Variants in NECAB1 observed in about 807,000 individuals in gnomAD.
NECAB1 encodes N-terminal EF-hand calcium binding protein 1.
NECAB1 carries 29 observed loss-of-function variants against 57.5 expected under a neutral mutation model. That is an observed-to-expected ratio of 0.50 (90% CI 0.38 to 0.69). The LOEUF (loss-of-function observed/expected upper bound fraction) is 0.69, where lower values mean the gene tolerates loss of function less well. Among genes scored for constraint, NECAB1 ranks in the 30% least tolerant of loss-of-function variants. NECAB1 has a pLI of 0.00. For missense variants in NECAB1, 372 were observed against 413.8 expected (o/e 0.90, Z 0.88); for synonymous variants, 142 against 147.7 (o/e 0.96, Z 0.28).
chr8:90,925,610 C>A lies in NECAB1; in HGVS notation c.570C>A (p.His190Gln). 1 of 1,613,802 alleles carries A rather than the reference C, an allele frequency of 6.2e-7. No individual in the cohort carries two copies. The highest frequency in any genetic ancestry group is 1.7e-4 in the Middle Eastern group (1 of 6,060). Residue 190 changes from histidine (H) to glutamine (Q), a missense_variant, in exon 7 of 13, where the codon CAC becomes CAA. Physicochemically the swap from His to Gln is conservative, Grantham distance 24. Coordinates refer to ENST00000417640, the MANE Select transcript of NECAB1 (RefSeq NM_022351.5). Reference sequence around the variant, plus strand: ...GATCAAGCCGCCGAGTCCAGAGACACAACAGCTTCTCCCCAAACAGCCCTC... The same window carrying A: ...GATCAAGCCGCCGAGTCCAGAGACAAAACAGCTTCTCCCCAAACAGCCCTC... Reference protein sequence around the residue: ...GKRSSRRVQRHNSFSPNSPQF... With the variant: ...GKRSSRRVQRQNSFSPNSPQF...
At chr8:90,903,367 T>C (rs935206270) in intron 5 of NECAB1, among the ~76,000 whole-genome samples, 7 of 151,872 alleles carry the variant, frequency 4.6e-5, no homozygotes, top group Admixed American at 1.3e-4. Flanking sequence ...AAAATTTTCA[T>C]ACAGCTTTAT....
At chr8:90,906,457 T>C (rs1809651851) in intron 5 of NECAB1, among the ~76,000 whole-genome samples, 1 of 152,156 alleles carries the variant, frequency 6.6e-6, no homozygotes, top group South Asian at 2.1e-4. Flanking sequence ...CATCCTCTGT[T>C]CTTCCAAAAG....
chr8:90,920,113 A>C (rs1810066913), intron 6 of NECAB1, among the ~76,000 whole-genome samples: 1 of 152,154 alleles, frequency 6.6e-6, no homozygotes. Context: ...TGGATTTCTC[A>C]CTCAAAAACA....
At chr8:90,898,307 C>A (rs1183395773) in intron 5 of NECAB1, among the ~76,000 whole-genome samples, 2 of 152,154 alleles carry the variant, frequency 1.3e-5, no homozygotes, top group African/African-American at 4.8e-5. Context: ...CACTCAGTGC[C>A]CCAAATCCAA....
intron 8 of NECAB1, among the ~76,000 whole-genome samples, chr8:90,932,272 G>C (rs1810430349): frequency 6.6e-6 from 1 of 152,120 alleles, no homozygotes; most frequent in African/African-American, 2.4e-5. Flanking sequence ...TCATAGAAAA[G>C]CTATGATTTA....
Position 90,949,817 on chromosome 8 carries a change from C to A in NECAB1, c.871C>A (p.Gln291Lys). The change falls in exon 11 of 13, where the codon CAG becomes AAG. Residue 291 changes from glutamine to lysine, a missense_variant. Physicochemically the swap from Gln to Lys is moderately conservative, Grantham distance 53. Transcript: ENST00000417640. ...TATTTTCCATTTCAGTATTTCTATA[C>A]AGAAGCTTTCAAATGAATCTCGCTA... Reference protein sequence around the residue: ...SQSGCLRISIQKLSNESRYMI... With the variant: ...SQSGCLRISIKKLSNESRYMI... The A allele has an allele frequency of 1.3e-6, 2 of 1,599,702 alleles. No individual in the cohort carries two copies. Among genetic ancestry groups the A allele is most frequent in the Non-Finnish European group, 1.7e-6 (2 of 1,169,170 alleles).
At chr8:90,940,457 T>C (rs773584238) in intron 9 of NECAB1, 2 of 235,198 alleles carry the variant, frequency 8.5e-6, no homozygotes, top group Non-Finnish European at 1.7e-5. Context: ...GTTTTAAAAA[T>C]AGCAGTGCCT....
chr8:90,898,616 C>T (rs901503901), intron 5 of NECAB1, among the ~76,000 whole-genome samples: 1 of 152,156 alleles, frequency 6.6e-6, no homozygotes, highest in African/African-American at 2.4e-5. Context: ...CTCATTGCAT[C>T]TTCTATAATG....
At chr8:90,869,036 C>A (rs34637621) in intron 3 of NECAB1, among the ~76,000 whole-genome samples, 63,154 of 152,082 alleles carry the variant, frequency 0.42, 14,971 homozygotes, top group East Asian at 0.77. Flanking sequence ...TGCTCCAGCT[C>A]CAGCCACGGC....
Position 90,849,608 on chromosome 8 carries a change from ATTG to A in NECAB1, c.234-22517_234-22515del, listed in dbSNP as rs559184107. Among the ~76,000 whole-genome samples the A allele has an allele frequency of 3.8e-3, 570 of 149,860 alleles. 7 individuals carry two copies. Among genetic ancestry groups the A allele is most frequent in the African/African-American group, 0.013 (528 of 40,642 alleles). On this transcript the variant is annotated intron_variant, in intron 3 of 12. Transcript: ENST00000417640. ...AGGTTAATATAGCAGAATAATTTGA[ATTG>A]TTATTTTTTAGATATAGTATTATTA...
At chr8:90,860,790 G>A (rs1048430394) in intron 3 of NECAB1, among the ~76,000 whole-genome samples, 1 of 152,138 alleles carries the variant, frequency 6.6e-6, no homozygotes, top group Non-Finnish European at 1.5e-5. Flanking sequence ...GGGCATTGAA[G>A]GAACCCAATA....
chr8:90,860,238 C>CTT (rs34293565), intron 3 of NECAB1, among the ~76,000 whole-genome samples: 45,492 of 136,686 alleles, frequency 0.33, 8,415 homozygotes, highest in East Asian at 0.7. Context: ...TCTTTTTTTT[C>CTT]TTTTTTTTTT....
chr8:90,799,734 A>C lies in NECAB1; in HGVS notation c.100-1957A>C, dbSNP rs140303771. ...CTTACTGTATAGTTTGAAGTCAAGT[A>C]ATGTGATGCTTCCAGCTTTGTTCTT... On this transcript the variant is annotated intron_variant, in intron 1 of 12. Coordinates refer to ENST00000417640, the MANE Select transcript of NECAB1 (RefSeq NM_022351.5). Among the ~76,000 whole-genome samples the C allele has an allele frequency of 6.5e-3, 989 of 152,316 alleles. 28 individuals are homozygous for C. The highest frequency in any genetic ancestry group is 0.058 in the East Asian group (302 of 5,190).
chr8:90,868,412 G>C (rs1414864737), intron 3 of NECAB1, among the ~76,000 whole-genome samples: 1 of 152,168 alleles, frequency 6.6e-6, no homozygotes, highest in Non-Finnish European at 1.5e-5. Flanking sequence ...ATGAGGGAAA[G>C]TGGGACTTGT....
intron 5 of NECAB1, among the ~76,000 whole-genome samples, chr8:90,883,627 G>A (rs569052143): frequency 3.3e-4 from 51 of 152,246 alleles, no homozygotes; most frequent in Middle Eastern, 6.8e-3. Context: ...GATACAATCC[G>A]TCATTATTTT....
chr8:90,847,601 C>G (rs1812593143), intron 3 of NECAB1, among the ~76,000 whole-genome samples: 2 of 152,234 alleles, frequency 1.3e-5, no homozygotes, highest in African/African-American at 4.8e-5. Context: ...GGGCTCTGCT[C>G]CTGCAGCAAA....
chr8:90,849,284 C>T (rs1240652700), intron 3 of NECAB1, among the ~76,000 whole-genome samples: 1 of 152,068 alleles, frequency 6.6e-6, no homozygotes, highest in Non-Finnish European at 1.5e-5. Context: ...GACTGGGCAA[C>T]ATAGCAAGAC....
intron 4 of NECAB1, among the ~76,000 whole-genome samples, chr8:90,872,784 A>G (rs1040142400): frequency 3.9e-5 from 6 of 152,196 alleles, no homozygotes; most frequent in African/African-American, 1.4e-4. Flanking sequence ...TGAAAGAGCT[A>G]TCTTTCTCTG....
Position 90,872,151 on chromosome 8 carries a change from G to A in NECAB1, c.257G>A (p.Cys86Tyr). The A allele has an allele frequency of 3.2e-6, 5 of 1,548,518 alleles. No individual in the cohort carries two copies. The highest frequency in any genetic ancestry group is 4.4e-6 in the Non-Finnish European group (5 of 1,144,652). The change falls in exon 4 of 13, where the codon TGT becomes TAT. Residue 86 changes from cysteine to tyrosine, a missense_variant and splice_region_variant. Coordinates refer to ENST00000417640, the MANE Select transcript of NECAB1 (RefSeq NM_022351.5). ...AGTAATCTTGACACAGAAGAGCTATGTGGTAAGTGTTTCTTTAAGATCAGT... is the reference window on the plus strand; with the variant it reads ...AGTAATCTTGACACAGAAGAGCTATATGGTAAGTGTTTCTTTAAGATCAGT... ...NTNNLDTEELCEYFSQHLGEY... is the reference protein window; with the variant it reads ...NTNNLDTEELYEYFSQHLGEY...
Sources: allele counts gnomAD v4.1 joint callset (sites outside exome capture counted in the v4.1 genomes callset), GRCh38; gene constraint gnomAD v4.1.1; transcripts MANE v1.5; gene names NCBI Gene and HGNC (gene_info 2026-07-23, HGNC 2026-07-21).